Variants in PCDHGA7 observed in about 807,000 individuals in gnomAD.
The protein encoded by PCDHGA7 is protocadherin gamma-A7.
Under a neutral mutation model 58.3 loss-of-function variants are expected in PCDHGA7, and 44 were observed. That is an observed-to-expected ratio of 0.75 (90% CI 0.59 to 0.97). PCDHGA7 has a LOEUF of 0.97. Ranked by LOEUF, PCDHGA7 falls within the 50% of genes least tolerant of loss-of-function variation. The pLI is 0.00. For missense variants in PCDHGA7, 1,266 were observed against 1,188.7 expected, an observed-to-expected ratio of 1.06 and a Z score of -0.96; for synonymous variants, 516 against 504.2, an observed-to-expected ratio of 1.02 and a Z score of -0.31.
chr5:141,409,480 C>A, intron 1 of PCDHGA7: 1 of 1,614,002 alleles, frequency 6.2e-7, no homozygotes, highest in Non-Finnish European at 8.5e-7. Flanking sequence ...TAGCCACTGA[C>A]AGGGGCAAGC....
chr5:141,383,226 G>A lies in PCDHGA7; in HGVS notation c.327G>A (p.Leu109=), dbSNP rs771882574. Residue 109 remains leucine, a synonymous_variant, in exon 1 of 4, where the codon CTG becomes CTA. Transcript: ENST00000518325. ...GGTGTCTGGTAAACTTTAACATCCT[G>A]ATGGAAGATAAAATGAATCTTTACC... ...SARCLVNFNI[L]MEDKMNLYPI... 1 of 1,613,936 alleles carries A rather than the reference G, an allele frequency of 6.2e-7. No homozygotes were observed. The highest frequency in any genetic ancestry group is 8.5e-7 in the Non-Finnish European group (1 of 1,179,860).
chr5:141,415,649 A>G (rs1179309556), intron 1 of PCDHGA7: 1 of 1,597,606 alleles, frequency 6.3e-7, no homozygotes, highest in Non-Finnish European at 8.5e-7. Context: ...GTTAAAAAAA[A>G]AAAGATTGGT....
intron 1 of PCDHGA7, chr5:141,390,026 A>G (rs1442754847): frequency 1.2e-6 from 2 of 1,613,826 alleles, no homozygotes; most frequent in Admixed American, 1.7e-5. Flanking sequence ...TGCGCCTGCG[A>G]CGCTCCTCCA....
chr5:141,425,834 C>A (rs925446924), intron 1 of PCDHGA7, among the ~76,000 whole-genome samples: 1 of 152,220 alleles, frequency 6.6e-6, no homozygotes, highest in Non-Finnish European at 1.5e-5. Context: ...CTTTTAAATT[C>A]TCTTTGCTGG....
At chr5:141,406,025 G>A (rs1367856742) in intron 1 of PCDHGA7, among the ~76,000 whole-genome samples, 1 of 151,502 alleles carries the variant, frequency 6.6e-6, no homozygotes, top group Non-Finnish European at 1.5e-5. Flanking sequence ...TTTTGGGTAG[G>A]GTTGCTTCAT....
In PCDHGA7 at chr5:141,511,540, C is replaced by CTA; in HGVS notation, c.*367_*368insTA. ...ATCCCATGCCTCCCTCCTCCCCACC[C>CTA]CACTCCAACAGTTCCTCTTTCCCGA... On this transcript the variant is annotated 3_prime_UTR_variant, in exon 4 of 4. Transcript: ENST00000518325. 3.0e-6 allele frequency: 1 copy of CTA among 328,024 alleles called. No individual in the cohort carries two copies. Among genetic ancestry groups the CTA allele is most frequent in the South Asian group, 3.2e-5 (1 of 31,610 alleles). 20.3% of individuals were successfully genotyped at this position (328,024 alleles called of 1,614,324 possible). A position where few individuals can be genotyped will look rare whatever the true frequency, so the allele number is the denominator to read the frequency against.
chr5:141,435,290 A>G (rs2097756551), intron 1 of PCDHGA7, among the ~76,000 whole-genome samples: 1 of 152,158 alleles, frequency 6.6e-6, no homozygotes, highest in African/African-American at 2.4e-5. Context: ...ATCCCAAGTC[A>G]TTTCATGGTT....
intron 1 of PCDHGA7, among the ~76,000 whole-genome samples, chr5:141,456,538 A>T (rs1010588747): frequency 7.2e-5 from 11 of 152,184 alleles, no homozygotes; most frequent in Admixed American, 3.3e-4. Context: ...TTAAAGAGGG[A>T]TTGTAGCCAC....
rs1421497518 is a variant in PCDHGA7 at position 141,431,979 on chromosome 5, A to G, written c.2424+46656A>G. ...GGAAATTACTATAGTTTAGTCACAGACATAGTCTTGGATAGGGAACAGGTT... is the reference window on the plus strand; with the variant it reads ...GGAAATTACTATAGTTTAGTCACAGGCATAGTCTTGGATAGGGAACAGGTT... On this transcript the variant is annotated intron_variant, in intron 1 of 3. Coordinates refer to ENST00000518325, the MANE Select transcript of PCDHGA7 (RefSeq NM_018920.4). This position sits in a 1 kb window ranked among gnomAD's most constrained non-coding sequence, Gnocchi z 4.8. 6.2e-7 allele frequency: 1 copy of G among 1,614,078 alleles called. No homozygotes were observed. The highest frequency in any genetic ancestry group is 1.3e-5 in the African/African-American group (1 of 74,932).
At chr5:141,484,866 C>T in intron 1 of PCDHGA7, 1 of 275,618 alleles carries the variant, frequency 3.6e-6, no homozygotes, top group Non-Finnish European at 6.8e-6. Flanking sequence ...GGTGGGGGAG[C>T]GTGGAGGATA....
intron 1 of PCDHGA7, among the ~76,000 whole-genome samples, chr5:141,472,400 G>A (rs2099279115): frequency 6.6e-6 from 1 of 152,024 alleles, no homozygotes; most frequent in East Asian, 1.9e-4. Flanking sequence ...AATTAGCCAG[G>A]CGTGGTGGCA....
At chr5:141,402,788 C>A in intron 1 of PCDHGA7, 1 of 937,148 alleles carries the variant, frequency 1.1e-6, no homozygotes, top group Non-Finnish European at 1.5e-6. Flanking sequence ...AGTTCTGCGG[C>A]TACACAAAAC....
chr5:141,434,714 G>A (rs1333237898), intron 1 of PCDHGA7, among the ~76,000 whole-genome samples: 1 of 151,564 alleles, frequency 6.6e-6, no homozygotes, highest in Non-Finnish European at 1.5e-5. Context: ...GTAAATCTCT[G>A]TTCAGGGCTC....
At chr5:141,419,886 G>C (rs1195529127) in intron 1 of PCDHGA7, 1 of 1,614,076 alleles carries the variant, frequency 6.2e-7, no homozygotes, top group Non-Finnish European at 8.5e-7. Context: ...CCGGATTTCA[G>C]CGACCATCCC....
intron 1 of PCDHGA7, chr5:141,389,008 G>C (rs1264850198): frequency 6.2e-7 from 1 of 1,613,992 alleles, no homozygotes; most frequent in Admixed American, 1.7e-5. Context: ...AAGGATTCCA[G>C]ACACAATGGA....
At chr5:141,409,181 C>T (rs1280456560) in intron 1 of PCDHGA7, 2 of 1,613,992 alleles carry the variant, frequency 1.2e-6, no homozygotes, top group Non-Finnish European at 1.7e-6. Flanking sequence ...CGGAGGTGGT[C>T]TCTCTACCCA....
chr5:141,491,714 C>A lies in PCDHGA7; in HGVS notation c.2425-3093C>A, dbSNP rs1321811999. On this transcript the variant is annotated intron_variant, in intron 1 of 3. Transcript: ENST00000518325. The surrounding 1 kb of genome is among the most constrained non-coding windows in gnomAD (Gnocchi z 6.9). ...GAGCGGAGCCAGGTGAGGGGCTCGG[C>A]GCCGCCCCGGGCGACCCCTGGGGGC... 2 of 1,608,742 alleles carry A rather than the reference C, an allele frequency of 1.2e-6. No individual in the cohort carries two copies. The highest frequency in any genetic ancestry group is 1.7e-6 in the Non-Finnish European group (2 of 1,177,914).
intron 1 of PCDHGA7, chr5:141,430,886 T>C: frequency 6.2e-7 from 1 of 1,605,190 alleles, no homozygotes; most frequent in Non-Finnish European, 8.5e-7. Context: ...GGAGAAAGGC[T>C]CTAGGGTGGG....
chr5:141,393,086 T>C (rs533530561), intron 1 of PCDHGA7: 1 of 1,613,614 alleles, frequency 6.2e-7, no homozygotes, highest in Non-Finnish European at 8.5e-7. Flanking sequence ...GCAGGATAGA[T>C]CGGGAGGAGC....
Sources: allele counts gnomAD v4.1 joint callset (sites outside exome capture counted in the v4.1 genomes callset), GRCh38; gene constraint gnomAD v4.1.1; non-coding constraint Gnocchi (gnomAD v3.1); transcripts MANE v1.5; gene names NCBI Gene and HGNC (gene_info 2026-07-23, HGNC 2026-07-21).